GPR139: variants seen among roughly 807,000 people sequenced by gnomAD.
GPR139 encodes probable G protein-coupled receptor 139.
A neutral mutation model predicts 25.8 loss-of-function variants in GPR139; 12 were observed. That is an observed-to-expected ratio of 0.47 (90% CI 0.30 to 0.75). The LOEUF is 0.75. GPR139 is among the 30% of genes least tolerant of loss of function. The probability of loss-of-function intolerance (pLI) is 0.07; values close to 1 mark genes in which losing one functional copy is unlikely to be tolerated. For missense variants in GPR139, 380 were observed against 450.2 expected, an observed-to-expected ratio of 0.84 and a Z score of 1.41; for synonymous variants, 184 against 179.9, an observed-to-expected ratio of 1.02 and a Z score of -0.18.
intron 1 of GPR139, among the ~76,000 whole-genome samples, chr16:20,065,102 T>C (rs2057426713): frequency 6.6e-6 from 1 of 152,142 alleles, no homozygotes; most frequent in South Asian, 2.1e-4. Context: ...TTTTGGTGCT[T>C]GTTGCAGCTT....
At chr16:20,043,472 AAAATTATGCATTTAGTTTT>A (rs2057343550) in intron 1 of GPR139, among the ~76,000 whole-genome samples, 2 of 152,224 alleles carry the variant, frequency 1.3e-5, no homozygotes, top group South Asian at 4.1e-4. Context: ...ATTTATTTTT[AAAATTATGCATTTAGTTTT>A]AATGGTATTA....
chr16:20,047,613 C>T (rs1378234645), intron 1 of GPR139, among the ~76,000 whole-genome samples: 1 of 152,184 alleles, frequency 6.6e-6, no homozygotes, highest in African/African-American at 2.4e-5. Context: ...GGTTCCAGAA[C>T]ATGTTTTATG....
chr16:20,046,817 C>T (rs1404863474), intron 1 of GPR139, among the ~76,000 whole-genome samples: 1 of 152,042 alleles, frequency 6.6e-6, no homozygotes, highest in Non-Finnish European at 1.5e-5. Context: ...ACCTACAATC[C>T]CAGCACTTTG....
chr16:20,031,104 A>T lies in GPR139; in HGVS notation c.*631T>A, dbSNP rs904561643. Among the ~76,000 whole-genome samples the T allele has an allele frequency of 6.6e-6, 1 of 152,180 alleles. No individual in the cohort carries two copies. The highest frequency in any genetic ancestry group is 1.9e-4 in the East Asian group (1 of 5,192). Reference sequence around the variant, plus strand: ...AGACCCCAGGTTTGAGGTCACAGCTATGCGGGTTTGGAGATTTCCTGAAGA... The same window carrying T: ...AGACCCCAGGTTTGAGGTCACAGCTTTGCGGGTTTGGAGATTTCCTGAAGA... On this transcript the variant is annotated 3_prime_UTR_variant, in exon 2 of 2. Transcript: ENST00000570682.
intron 1 of GPR139, among the ~76,000 whole-genome samples, chr16:20,036,047 T>C (rs1596463980): frequency 1.3e-5 from 2 of 152,036 alleles, no homozygotes; most frequent in African/African-American, 4.8e-5. Context: ...ACTCAGAGAG[T>C]AGAGAAACAT....
At chr16:20,054,103 C>T (rs1307153779) in intron 1 of GPR139, among the ~76,000 whole-genome samples, 1 of 152,160 alleles carries the variant, frequency 6.6e-6, no homozygotes, top group Non-Finnish European at 1.5e-5. Flanking sequence ...TAGTCCCTAG[C>T]ACAGTACCTG....
intron 1 of GPR139, among the ~76,000 whole-genome samples, chr16:20,065,590 G>C (rs1231646011): frequency 1.3e-5 from 2 of 152,124 alleles, no homozygotes; most frequent in South Asian, 4.1e-4. Flanking sequence ...AGTTAAATGA[G>C]GCCAGGCGCA....
rs748140778 is a variant in GPR139, at chr16:20,032,496, C to T, written c.301G>A (p.Asp101Asn). 24 of 1,613,936 alleles carry T rather than the reference C, an allele frequency of 1.5e-5. No homozygotes were observed. The highest frequency in any genetic ancestry group is 1.0e-4 in the Admixed American group (6 of 59,996). The change falls in exon 2 of 2, where the codon GAC (aspartate) becomes AAC (asparagine). Residue 101 changes from aspartate to asparagine, a missense_variant. Transcript: ENST00000570682. ...ILNMQMPQVP[D>N]KIIEVLEFSS... The stretch of plus-strand genomic sequence containing the variant: ...AATTCCAGCACTTCTATGATCTTGT[C>T]GGGGACCTGAGGCATCTGCATGTTC...
intron 1 of GPR139, among the ~76,000 whole-genome samples, chr16:20,052,813 T>G (rs2057377176): frequency 6.6e-6 from 1 of 151,644 alleles, no homozygotes; most frequent in Non-Finnish European, 1.5e-5. Flanking sequence ...AAGCTTCCAT[T>G]TAACAATCTC....
At chr16:20,039,519 T>G (rs2057323050) in intron 1 of GPR139, among the ~76,000 whole-genome samples, 2 of 152,204 alleles carry the variant, frequency 1.3e-5, no homozygotes, top group Non-Finnish European at 2.9e-5. Context: ...AGTAATAGAA[T>G]TTGTCTACTT....
At chr16:20,052,211 A>G (rs1312332168) in intron 1 of GPR139, among the ~76,000 whole-genome samples, 1 of 152,194 alleles carries the variant, frequency 6.6e-6, no homozygotes, top group Non-Finnish European at 1.5e-5. Flanking sequence ...TCCATCATTT[A>G]TGAACCAGCT....
chr16:20,068,804 T>G (rs1470642548), intron 1 of GPR139, among the ~76,000 whole-genome samples: 2 of 152,172 alleles, frequency 1.3e-5, no homozygotes, highest in Non-Finnish European at 2.9e-5. Context: ...CCTAGTTTGA[T>G]GAGTTTTTAT....
intron 1 of GPR139, among the ~76,000 whole-genome samples, chr16:20,039,709 C>T (rs2141203153): frequency 6.6e-6 from 1 of 152,266 alleles, no homozygotes; most frequent in Admixed American, 6.5e-5. Context: ...ATAAACCAAA[C>T]TGTTAAATGT....
chr16:20,034,090 T>A (rs765214096), intron 1 of GPR139, among the ~76,000 whole-genome samples: 24 of 152,140 alleles, frequency 1.6e-4, no homozygotes, highest in Non-Finnish European at 7.4e-5. Context: ...ATTCTACACA[T>A]TTATTTTCAT....
At position 20,048,006 on chromosome 16, in the gene GPR139, G is replaced by T. The variant is rs1319916737; in HGVS notation, c.128-15337C>A. On this transcript the variant is annotated intron_variant, in intron 1 of 1. Transcript: ENST00000570682. ...GGGTAAAAGTTTGGAAGGGCAGGAA[G>T]TGTGCCTGCTTTGCTGATTATTATT... 6.6e-5 allele frequency among the ~76,000 whole-genome samples: 10 copies of T among 152,338 alleles called. No homozygotes were observed. The South Asian group carries it at 2.1e-3, about 32-fold the overall frequency.
At chr16:20,057,942 C>T (rs1219500910) in intron 1 of GPR139, among the ~76,000 whole-genome samples, 1 of 152,184 alleles carries the variant, frequency 6.6e-6, no homozygotes, top group Non-Finnish European at 1.5e-5. Context: ...GCATCTCTGT[C>T]TTTCCCTGCA....
Position 20,030,491 on chromosome 16 carries a change from C to T in GPR139, c.*1244G>A, listed in dbSNP as rs2057283836. On this transcript the variant is annotated 3_prime_UTR_variant, in exon 2 of 2. Coordinates refer to ENST00000570682, the MANE Select transcript of GPR139 (RefSeq NM_001002911.4). ...CAGGGATGCCCCTATTCATTACATC[C>T]TAGAAATGTTCTTGCCTTGGACAGG... is the stretch of plus-strand genomic sequence containing the variant. Among the ~76,000 whole-genome samples the T allele has an allele frequency of 6.6e-6, 1 of 152,164 alleles. No individual in the cohort carries two copies. The highest frequency in any genetic ancestry group is 6.5e-5 in the Admixed American group (1 of 15,284).
At chr16:20,036,084 A>G (rs2057308952) in intron 1 of GPR139, among the ~76,000 whole-genome samples, 1 of 152,226 alleles carries the variant, frequency 6.6e-6, no homozygotes, top group South Asian at 2.1e-4. Context: ...TATTAAAGAG[A>G]TAAATGAGAA....
chr16:20,065,121 C>A (rs2057426820), intron 1 of GPR139, among the ~76,000 whole-genome samples: 1 of 152,084 alleles, frequency 6.6e-6, no homozygotes, highest in African/African-American at 2.4e-5. Flanking sequence ...TTTCCCAACC[C>A]CTGAGTTTGT....
Sources: gnomAD v4.1 joint callset for allele counts (sites outside exome capture counted in the v4.1 genomes callset) on GRCh38, gnomAD v4.1.1 for gene constraint, MANE v1.5 for transcripts, NCBI Gene and HGNC (gene_info 2026-07-23, HGNC 2026-07-21) for gene names.